GPR158: variants seen among roughly 807,000 people sequenced by gnomAD.
The protein encoded by GPR158 is G protein-coupled receptor 158, also known as metabotropic glycine receptor.
In GPR158, 30 loss-of-function variants were observed where a neutral mutation model predicts 78.2. The ratio of observed to expected loss-of-function variants is 0.38; its 90% CI spans 0.29 to 0.52. The LOEUF is 0.52. Ranked by LOEUF, GPR158 falls within the 20% of genes least tolerant of loss-of-function variation. GPR158 has a pLI of 0.83. For synonymous variants in GPR158, 581 were observed against 591.1 expected, an observed-to-expected ratio of 0.98 and a Z score of 0.25; for missense variants, 1,463 against 1,523.5, an observed-to-expected ratio of 0.96 and a Z score of 0.66.
intron 2 of GPR158, among the ~76,000 whole-genome samples, chr10:25,281,477 C>CTT (rs933080942): frequency 6.6e-6 from 1 of 151,338 alleles, no homozygotes; most frequent in Non-Finnish European, 1.5e-5. Context: ...ACTTGGGAGG[C>CTT]TTAAGTGAGA....
chr10:25,370,978 C>G (rs971572547), intron 2 of GPR158, among the ~76,000 whole-genome samples: 21 of 148,406 alleles, frequency 1.4e-4, no homozygotes, highest in African/African-American at 4.5e-4. Context: ...TTATCAGAGA[C>G]TAGGATTGCA....
intron 2 of GPR158, among the ~76,000 whole-genome samples, chr10:25,256,563 TCAGGAGGCTGAGG>T (rs1316371652): frequency 2.0e-5 from 3 of 151,790 alleles, no homozygotes; most frequent in Non-Finnish European, 2.9e-5. Context: ...TCCTAGGAAC[TCAGGAGGCTGAGG>T]CAGGAGGCTG....
At position 25,551,105 on chromosome 10, in the gene GPR158, C is replaced by A; in HGVS notation, c.1514+20C>A. On this transcript the variant is annotated intron_variant, in intron 6 of 10. Transcript: ENST00000376351. ...TCACAGGTATATACATTTTATTCAT[C>A]GTCATTCTCATGGAAAGATCAAACT... The A allele has an allele frequency of 1.6e-6, 2 of 1,289,646 alleles. No individual in the cohort carries two copies. Among genetic ancestry groups the A allele is most frequent in the Non-Finnish European group, 2.3e-6 (2 of 883,924 alleles). 79.9% of individuals were successfully genotyped at this position (1,289,646 alleles called of 1,614,324 possible). A position where few individuals can be genotyped will look rare whatever the true frequency, so the allele number is the denominator to read the frequency against.
chr10:25,585,978 C>CA (rs1837260920), intron 7 of GPR158, among the ~76,000 whole-genome samples: 1 of 151,296 alleles, frequency 6.6e-6, no homozygotes, highest in Admixed American at 6.6e-5. Flanking sequence ...GACCCTGTCT[C>CA]AAAAAAAATA....
At chr10:25,474,499 A>T (rs1187435334) in intron 5 of GPR158, among the ~76,000 whole-genome samples, 1 of 152,116 alleles carries the variant, frequency 6.6e-6, no homozygotes, top group Non-Finnish European at 1.5e-5. Flanking sequence ...TTTTTTAGAA[A>T]TGCTTTCCTC....
At chr10:25,342,901 G>A (rs745386825) in intron 2 of GPR158, among the ~76,000 whole-genome samples, 3 of 151,416 alleles carry the variant, frequency 2.0e-5, no homozygotes, top group Non-Finnish European at 4.4e-5. Flanking sequence ...TATTGTCACT[G>A]TCAGCAGATG....
intron 2 of GPR158, among the ~76,000 whole-genome samples, chr10:25,257,014 T>A (rs1217382786): frequency 3.9e-5 from 6 of 152,198 alleles, no homozygotes; most frequent in African/African-American, 1.4e-4. Flanking sequence ...ATGTCTTAGT[T>A]CATTTTCTGC....
At chr10:25,535,799 C>T (rs1836492217) in intron 5 of GPR158, among the ~76,000 whole-genome samples, 1 of 152,194 alleles carries the variant, frequency 6.6e-6, no homozygotes, top group African/African-American at 2.4e-5. Flanking sequence ...CTCTATACCC[C>T]ATTCTCAACT....
intron 2 of GPR158, among the ~76,000 whole-genome samples, chr10:25,314,167 C>A (rs2130467200): frequency 6.6e-6 from 1 of 152,262 alleles, no homozygotes; most frequent in South Asian, 2.1e-4. Flanking sequence ...GTGGCACAAT[C>A]TCGGCTCACT....
intron 1 of GPR158, among the ~76,000 whole-genome samples, chr10:25,186,214 T>G (rs185956803): frequency 1.3e-5 from 2 of 152,290 alleles, no homozygotes; most frequent in East Asian, 3.9e-4. Context: ...CTGGGACACA[T>G]TTAAAGCGGT....
intron 3 of GPR158, among the ~76,000 whole-genome samples, chr10:25,397,110 A>G (rs1272881561): frequency 6.6e-6 from 1 of 152,202 alleles, no homozygotes; most frequent in Admixed American, 6.5e-5. Context: ...TCACTTCAGC[A>G]TATAACATAG....
intron 1 of GPR158, among the ~76,000 whole-genome samples, chr10:25,200,032 A>G (rs1363113011): frequency 1.3e-5 from 2 of 152,180 alleles, no homozygotes; most frequent in East Asian, 1.9e-4. Context: ...TATATTCCCA[A>G]TAATGGGACT....
chr10:25,597,256 C>T (rs1232247079), intron 10 of GPR158, among the ~76,000 whole-genome samples: 2 of 152,186 alleles, frequency 1.3e-5, no homozygotes, highest in African/African-American at 2.4e-5. Flanking sequence ...ACCCTCTAAG[C>T]CTAATCTAAC....
At chr10:25,256,947 C>G (rs932559084) in intron 2 of GPR158, among the ~76,000 whole-genome samples, 4 of 152,090 alleles carry the variant, frequency 2.6e-5, no homozygotes, top group African/African-American at 7.2e-5. Flanking sequence ...TTGATGTTTT[C>G]CCTAAAAGAA....
chr10:25,423,935 T>G (rs1834786761), intron 4 of GPR158, among the ~76,000 whole-genome samples: 1 of 152,182 alleles, frequency 6.6e-6, no homozygotes, highest in Non-Finnish European at 1.5e-5. Context: ...GTATTTCTAG[T>G]TCTAGATCCT....
At chr10:25,193,524 A>T (rs902309912) in intron 1 of GPR158, among the ~76,000 whole-genome samples, 4 of 152,228 alleles carry the variant, frequency 2.6e-5, no homozygotes, top group African/African-American at 9.6e-5. Flanking sequence ...AGAGATGGGT[A>T]ATGTGGTAGA....
At chr10:25,427,631 T>TG (rs1834842496) in intron 4 of GPR158, among the ~76,000 whole-genome samples, 1 of 152,086 alleles carries the variant, frequency 6.6e-6, no homozygotes, top group African/African-American at 2.4e-5. Context: ...GACTGGCACT[T>TG]GCATGCTTTG....
At chr10:25,339,593 G>A (rs1302138488) in intron 2 of GPR158, among the ~76,000 whole-genome samples, 2 of 151,914 alleles carry the variant, frequency 1.3e-5, no homozygotes, top group African/African-American at 2.4e-5. Flanking sequence ...TATTTCAGTG[G>A]GAAAGCTTTA....
At chr10:25,367,753 T>C (rs1833911702) in intron 2 of GPR158, among the ~76,000 whole-genome samples, 1 of 151,830 alleles carries the variant, frequency 6.6e-6, no homozygotes. Context: ...TCCTGCTGGA[T>C]TGGCATTTTC....
Sources: gnomAD v4.1 joint callset for allele counts (sites outside exome capture counted in the v4.1 genomes callset) on GRCh38, gnomAD v4.1.1 for gene constraint, MANE v1.5 for transcripts, NCBI Gene and HGNC (gene_info 2026-07-23, HGNC 2026-07-21) for gene names.